Variants in SAP130 observed in about 807,000 individuals in gnomAD.
SAP130 encodes histone deacetylase complex subunit SAP130.
In SAP130, 16 loss-of-function variants were observed where a neutral mutation model predicts 103.2. The ratio of observed to expected loss-of-function variants is 0.16; its 90% CI spans 0.10 to 0.24. The LOEUF is 0.24. Ranked by LOEUF, SAP130 falls within the 10% of genes least tolerant of loss-of-function variation. The pLI is 1.00. For missense variants in SAP130, 990 were observed against 1,359.7 expected (o/e 0.73, Z 4.28); for synonymous variants, 477 against 497.0 (o/e 0.96, Z 0.53).
At chr2:127,956,211 G>C (rs1321092356) in intron 15 of SAP130, among the ~76,000 whole-genome samples, 1 of 152,138 alleles carries the variant, frequency 6.6e-6, no homozygotes, top group Non-Finnish European at 1.5e-5. Flanking sequence ...AATTCCTGGA[G>C]GGCAGGCGTG....
In SAP130 at chr2:127,968,109, A is replaced by ATT. The variant is rs199946748; in HGVS notation, c.2063+9874_2063+9875dup. 1.1e-3 allele frequency among the ~76,000 whole-genome samples: 148 copies of ATT among 139,260 alleles called. 1 individual carries two copies. Among genetic ancestry groups the ATT allele is most frequent in the Non-Finnish European group, 1.5e-3 (94 of 63,606 alleles). 91.4% of individuals were successfully genotyped at this position (139,260 alleles called of 152,430 possible). A position where few individuals can be genotyped will look rare whatever the true frequency, so the allele number is the denominator to read the frequency against. On this transcript the variant is annotated intron_variant, in intron 15 of 20. Coordinates refer to ENST00000643581, the MANE Select transcript of SAP130 (RefSeq NM_001330301.2). ...CATAATGTAACAGCTATAGTAAAGC[A>ATT]TTTTTTTTTTTTTTTTTAGGCAGAG...
intron 15 of SAP130, among the ~76,000 whole-genome samples, chr2:127,958,204 G>A (rs1324112565): frequency 6.6e-6 from 1 of 152,258 alleles, no homozygotes; most frequent in Admixed American, 6.5e-5. Context: ...CACGAGGTCA[G>A]GAGTTCGAGA....
Position 127,942,366 on chromosome 2 carries a change from C to T in SAP130, c.3015+58G>A. The T allele has an allele frequency of 7.7e-7, 1 of 1,301,136 alleles. No individual in the cohort carries two copies. Among genetic ancestry groups the T allele is most frequent in the Non-Finnish European group, 1.1e-6 (1 of 896,654 alleles). The allele number at this position is 1,301,136 out of a possible 1,614,324, so 80.6% of individuals were successfully genotyped here. On this transcript the variant is annotated intron_variant, in intron 20 of 20. Coordinates refer to ENST00000643581, the MANE Select transcript of SAP130 (RefSeq NM_001330301.2). This position sits in a 1 kb window ranked among gnomAD's most constrained non-coding sequence, Gnocchi z 4.8. ...ACGGGGGGAAACGGGAGAAGTAGGG[C>T]TTTACAGAAAGCAACTTCATAAAGT...
intron 2 of SAP130, among the ~76,000 whole-genome samples, chr2:128,020,664 G>A (rs976178590): frequency 6.6e-6 from 1 of 152,140 alleles, no homozygotes; most frequent in Admixed American, 6.6e-5. Flanking sequence ...TATATACCTA[G>A]GATTAGAACT....
chr2:127,945,406 T>C (rs761743473), intron 19 of SAP130, 50 bp downstream of exon 19: 6 of 1,088,666 alleles, frequency 5.5e-6, no homozygotes, highest in South Asian at 3.8e-5. Flanking sequence ...CTATCTGCAG[T>C]GTCTTCTCCT....
rs149338350 is a variant in SAP130, at chr2:128,016,002, T to C, written c.507+387A>G. 4.5e-3 allele frequency among the ~76,000 whole-genome samples: 679 copies of C among 150,186 alleles called. 5 individuals are homozygous for C. Among genetic ancestry groups the C allele is most frequent in the African/African-American group, 0.016 (638 of 40,798 alleles). ...GCTTGAGGTAACCTATCCCAAGAGA[T>C]GCACATCTGCTCTCCTCAGAGAAAC... On this transcript the variant is annotated intron_variant, in intron 4 of 20. Coordinates refer to ENST00000643581, the MANE Select transcript of SAP130 (RefSeq NM_001330301.2).
chr2:128,012,977 G>A, intron 6 of SAP130, 53 bp downstream of exon 6: 8 of 1,538,640 alleles, frequency 5.2e-6, no homozygotes, highest in Non-Finnish European at 7.0e-6. Context: ...CTAGTGCCTG[G>A]CAGAATGAAT....
At chr2:128,019,908 C>T (rs1234605903) in intron 2 of SAP130, among the ~76,000 whole-genome samples, 4 of 151,826 alleles carry the variant, frequency 2.6e-5, no homozygotes. Context: ...GGAAAAAAAT[C>T]AGAGAACAAT....
chr2:127,977,133 T>C (rs563432491), intron 15 of SAP130, among the ~76,000 whole-genome samples: 4 of 152,254 alleles, frequency 2.6e-5, no homozygotes, highest in Admixed American at 2.0e-4. Context: ...TAAGTATTTT[T>C]ATATAATCTA....
chr2:127,955,835 T>C lies in SAP130; in HGVS notation c.2064-491A>G, dbSNP rs1192046977. 6.6e-6 allele frequency among the ~76,000 whole-genome samples: 1 copy of C among 152,312 alleles called. No homozygotes were observed. The highest frequency in any genetic ancestry group is 1.5e-5 in the Non-Finnish European group (1 of 68,026). ...TAAAGTTTAACAAAGCAATTTTAAA[T>C]GGAAATCAGGTTTTAAAGATATACT... On this transcript the variant is annotated intron_variant, in intron 15 of 20. Coordinates refer to ENST00000643581, the MANE Select transcript of SAP130 (RefSeq NM_001330301.2). The surrounding 1 kb of genome is among the most constrained non-coding windows in gnomAD (Gnocchi z 4.9).
At chr2:128,019,717 C>T (rs1685024309) in intron 2 of SAP130, among the ~76,000 whole-genome samples, 1 of 152,080 alleles carries the variant, frequency 6.6e-6, no homozygotes, top group Non-Finnish European at 1.5e-5. Context: ...GAAACCCTGT[C>T]TCTACTAAAA....
chr2:127,941,727 C>T lies in SAP130; in HGVS notation c.*279G>A. The T allele has an allele frequency of 2.4e-6, 1 of 421,026 alleles. No individual in the cohort carries two copies. Among genetic ancestry groups the T allele is most frequent in the Non-Finnish European group, 4.2e-6 (1 of 238,952 alleles). 26.1% of individuals were successfully genotyped at this position (421,026 alleles called of 1,614,324 possible). On this transcript the variant is annotated 3_prime_UTR_variant, in exon 21 of 21. Transcript: ENST00000643581. Reference sequence around the variant, plus strand: ...AAAAACACCAGCCAGCCATCCTTGTCATTGCTTCCAACTGGTGGACACTGA... The same window carrying T: ...AAAAACACCAGCCAGCCATCCTTGTTATTGCTTCCAACTGGTGGACACTGA...
rs371253080 is a variant in SAP130, at chr2:127,988,302, T to C, written c.1780+1262A>G. ...ACCCAGGTGTGGTGGCATGCACTTG[T>C]AGTCCTTGCTACACGGGTGTCTGAG... On this transcript the variant is annotated intron_variant, in intron 13 of 20. Coordinates refer to ENST00000643581, the MANE Select transcript of SAP130 (RefSeq NM_001330301.2). Among the ~76,000 whole-genome samples the C allele has an allele frequency of 3.6e-4, 55 of 151,880 alleles. 1 individual carries two copies. The South Asian group carries it at 6.5e-3, about 18-fold the overall frequency.
rs1478039134 is a variant in SAP130 at position 127,989,381 on chromosome 2, A to G, written c.1780+183T>C. Among the ~76,000 whole-genome samples the G allele has an allele frequency of 1.3e-5, 2 of 152,194 alleles. No homozygotes were observed. The highest frequency in any genetic ancestry group is 2.9e-5 in the Non-Finnish European group (2 of 67,990). On this transcript the variant is annotated intron_variant, in intron 13 of 20. Coordinates refer to ENST00000643581, the MANE Select transcript of SAP130 (RefSeq NM_001330301.2). The surrounding 1 kb of genome is among the most constrained non-coding windows in gnomAD (Gnocchi z 4.6). Reference sequence around the variant, plus strand: ...CAAAGTGCTGGGATTACAGTGAGGTATATTATTTCTAACGTTTACAGTGAC... The same window carrying G: ...CAAAGTGCTGGGATTACAGTGAGGTGTATTATTTCTAACGTTTACAGTGAC...
chr2:127,979,823 T>C (rs1196035708), intron 14 of SAP130, among the ~76,000 whole-genome samples: 1 of 151,966 alleles, frequency 6.6e-6, no homozygotes, highest in Admixed American at 6.6e-5. Context: ...CAAGAGCTGA[T>C]AAGCTGAGAA....
chr2:127,951,847 T>C (rs1442819722), intron 16 of SAP130, among the ~76,000 whole-genome samples: 1 of 152,192 alleles, frequency 6.6e-6, no homozygotes, highest in Non-Finnish European at 1.5e-5. Context: ...AAACACTCGA[T>C]GCCTCCTCCA....
chr2:127,961,376 G>A (rs1680236314), intron 15 of SAP130, among the ~76,000 whole-genome samples: 1 of 150,088 alleles, frequency 6.7e-6, no homozygotes, highest in Non-Finnish European at 1.5e-5. Context: ...TCAAACTCCT[G>A]AGCTCAACTG....
At chr2:127,988,431 A>T (rs1682553751) in intron 13 of SAP130, among the ~76,000 whole-genome samples, 2 of 146,506 alleles carry the variant, frequency 1.4e-5, no homozygotes, top group South Asian at 2.2e-4. Context: ...TGTCTTTTTA[A>T]AAAAAAAAAA....
intron 14 of SAP130, among the ~76,000 whole-genome samples, chr2:127,981,317 C>CG (rs1681864353): frequency 7.0e-6 from 1 of 143,426 alleles, no homozygotes; most frequent in African/African-American, 2.6e-5. Context: ...CCTGCACCCC[C>CG]AATTCAGCTC....
Sources: gnomAD v4.1 joint callset for allele counts (sites outside exome capture counted in the v4.1 genomes callset) on GRCh38, gnomAD v4.1.1 for gene constraint, Gnocchi (gnomAD v3.1) non-coding constraint, MANE v1.5 for transcripts, NCBI Gene and HGNC (gene_info 2026-07-23, HGNC 2026-07-21) for gene names.